The following PCDHGA4 variants were observed in gnomAD, a reference collection of about 807,000 sequenced individuals.
PCDHGA4 encodes the protein protocadherin gamma subfamily A, 4, also known as protocadherin gamma-A4.
A neutral mutation model predicts 54.6 loss-of-function variants in PCDHGA4; 38 were observed. The observed-to-expected ratio is 0.70, with a 90% CI of 0.54 to 0.91. The LOEUF (loss-of-function observed/expected upper bound fraction) is 0.91. Among genes scored for constraint, PCDHGA4 ranks in the 40% least tolerant of loss-of-function variants. The pLI, the probability that PCDHGA4 is intolerant of heterozygous loss-of-function variation, is 0.00. For missense variants in PCDHGA4, 1,298 were observed against 1,220.9 expected (o/e 1.06, Z -0.94); for synonymous variants, 511 against 512.9 (o/e 1.00, Z 0.05).
Position 141,485,609 on chromosome 5 carries a change from G to C in PCDHGA4, c.2515-9198G>C, listed in dbSNP as rs1432367043. On this transcript the variant is annotated intron_variant, in intron 1 of 3. Coordinates refer to ENST00000571252, the MANE Select transcript of PCDHGA4 (RefSeq NM_018917.4). The surrounding 1 kb of genome is among the most constrained non-coding windows in gnomAD (Gnocchi z 5.7). ...GCTGGACTTGGAAATTGGGGAGGCA[G>C]CTCCTCCAGGACAGCGTTTCCCGTT... The C allele has an allele frequency of 1.2e-6, 2 of 1,612,138 alleles. No homozygotes were observed. Among genetic ancestry groups the C allele is most frequent in the Non-Finnish European group, 1.7e-6 (2 of 1,178,664 alleles).
At chr5:141,370,007 A>G (rs1350230524) in intron 1 of PCDHGA4, among the ~76,000 whole-genome samples, 1 of 152,272 alleles carries the variant, frequency 6.6e-6, no homozygotes, top group South Asian at 2.1e-4. Flanking sequence ...AAATTAAAAG[A>G]AATAACAGAC....
At chr5:141,364,982 G>A (rs745559474) in intron 1 of PCDHGA4, 1 of 1,613,868 alleles carries the variant, frequency 6.2e-7, no homozygotes, top group South Asian at 1.1e-5. Flanking sequence ...TTTAGATGGC[G>A]GAGACCCGGT....
intron 1 of PCDHGA4, chr5:141,424,442 T>C (rs2096821583): frequency 6.6e-6 from 1 of 152,244 alleles, no homozygotes; most frequent in South Asian, 2.1e-4. Context: ...AATTGAATTA[T>C]TGAACTGGTA....
rs1337141924 is a variant in PCDHGA4, at chr5:141,512,916, CTAATATT to C, written c.*1746_*1752del. On this transcript the variant is annotated 3_prime_UTR_variant, in exon 4 of 4. Coordinates refer to ENST00000571252, the MANE Select transcript of PCDHGA4 (RefSeq NM_018917.4). The stretch of plus-strand genomic sequence containing the variant: ...CTGTGTCTCACGCAAGTTTTATACT[CTAATATT>C]TATATGGCTTTTTTTCTTCGACAAA... The C allele has an allele frequency of 1.3e-5, 2 of 152,206 alleles. No homozygotes were observed. Among genetic ancestry groups the C allele is most frequent in the Non-Finnish European group, 2.9e-5 (2 of 68,046 alleles). The allele number at this position is 152,206 out of a possible 1,614,324, so 9.4% of individuals were successfully genotyped here.
chr5:141,486,452 G>T lies in PCDHGA4; in HGVS notation c.2515-8355G>T. 6.2e-7 allele frequency: 1 copy of T among 1,614,152 alleles called. No homozygotes were observed. Among genetic ancestry groups the T allele is most frequent in the Non-Finnish European group, 8.5e-7 (1 of 1,179,996 alleles). Reference sequence around the variant, plus strand: ...ATCTAGCTATGACATCATGGTCACTGCTTCTGATGCTGGGAACCCTCCTCT... The same window carrying T: ...ATCTAGCTATGACATCATGGTCACTTCTTCTGATGCTGGGAACCCTCCTCT... On this transcript the variant is annotated intron_variant, in intron 1 of 3. Coordinates refer to ENST00000571252, the MANE Select transcript of PCDHGA4 (RefSeq NM_018917.4). This position sits in a 1 kb window ranked among gnomAD's most constrained non-coding sequence, Gnocchi z 5.0.
At chr5:141,473,733 G>A (rs943072050) in intron 1 of PCDHGA4, among the ~76,000 whole-genome samples, 19 of 152,214 alleles carry the variant, frequency 1.2e-4, no homozygotes, top group Admixed American at 3.9e-4. Flanking sequence ...GAGAGAGGGA[G>A]AAGACATGAG....
Position 141,355,466 on chromosome 5 carries a change from G to A in PCDHGA4, c.359G>A (p.Arg120Lys), listed in dbSNP as rs1561508995. 1 of 1,614,094 alleles carries A rather than the reference G, an allele frequency of 6.2e-7. No homozygotes were observed. The highest frequency in any genetic ancestry group is 8.5e-7 in the Non-Finnish European group (1 of 1,179,912). Residue 120 changes from arginine (R) to lysine (K), a missense_variant, in exon 1 of 4, where the codon AGG becomes AAG. Physicochemically the swap from Arg to Lys is conservative, Grantham distance 26. Transcript: ENST00000571252. ...AGCGGCACCTTGGTCACCGCGGGTA[G>A]GATAGACAGGGAGGAGCTCTGCGAC... is the stretch of plus-strand genomic sequence containing the variant. Reference protein sequence around the residue: ...PRSGTLVTAGRIDREELCDRS... With the variant: ...PRSGTLVTAGKIDREELCDRS...
chr5:141,427,205 C>T lies in PCDHGA4; in HGVS notation c.2515-67602C>T, dbSNP rs73280903. 3.4e-3 allele frequency: 1,562 copies of T among 456,606 alleles called. 21 individuals carry two copies. Among genetic ancestry groups the T allele is most frequent in the African/African-American group, 0.028 (1,422 of 50,136 alleles). 28.3% of individuals were successfully genotyped at this position (456,606 alleles called of 1,614,324 possible). Reference sequence around the variant, plus strand: ...TTAAATCCAAAGACTTAATAGACTTCGAATTTCGTAGCAGTTATACCATGA... The same window carrying T: ...TTAAATCCAAAGACTTAATAGACTTTGAATTTCGTAGCAGTTATACCATGA... On this transcript the variant is annotated intron_variant, in intron 1 of 3. Transcript: ENST00000571252.
chr5:141,465,343 T>A (rs1221229916), intron 1 of PCDHGA4, among the ~76,000 whole-genome samples: 1 of 152,118 alleles, frequency 6.6e-6, no homozygotes, highest in Non-Finnish European at 1.5e-5. Flanking sequence ...TATTGGTTAC[T>A]GAAGAAAAAA....
chr5:141,361,454 T>A (rs780424534), intron 1 of PCDHGA4: 2 of 1,614,026 alleles, frequency 1.2e-6, no homozygotes, highest in Non-Finnish European at 1.7e-6. Flanking sequence ...ATTGTCACCC[T>A]GCACATCTCC....
chr5:141,457,701 G>A (rs1341216514), intron 1 of PCDHGA4, among the ~76,000 whole-genome samples: 1 of 152,222 alleles, frequency 6.6e-6, no homozygotes, highest in Admixed American at 6.5e-5. Context: ...TGGCTTTGAT[G>A]AAACACTGTT....
intron 1 of PCDHGA4, chr5:141,374,279 A>G: frequency 6.2e-7 from 1 of 1,614,000 alleles, no homozygotes; most frequent in Non-Finnish European, 8.5e-7. Context: ...CGGAGTCCGC[A>G]TCGTCTCCAG....
intron 1 of PCDHGA4, among the ~76,000 whole-genome samples, chr5:141,483,945 ATTGTG>A (rs2099589210): frequency 8.3e-6 from 1 of 120,394 alleles, no homozygotes; most frequent in Non-Finnish European, 1.6e-5. Context: ...TACGGTGTGA[ATTGTG>A]TTGTGTTTCT....
chr5:141,366,249 A>G (rs1307246069), intron 1 of PCDHGA4: 1 of 1,613,634 alleles, frequency 6.2e-7, no homozygotes, highest in Non-Finnish European at 8.5e-7. Context: ...GCGCTCAAGC[A>G]GAGCCTCGTG....
At chr5:141,393,079 GGATA>G (rs1414303760) in intron 1 of PCDHGA4, 2 of 1,613,582 alleles carry the variant, frequency 1.2e-6, no homozygotes, top group Non-Finnish European at 1.7e-6. Context: ...ACCGCGGGCA[GGATA>G]GATCGGGAGG....
intron 1 of PCDHGA4, chr5:141,362,279 TGC>T (rs776950363): frequency 7.4e-6 from 12 of 1,614,070 alleles, no homozygotes; most frequent in Non-Finnish European, 9.3e-6. Flanking sequence ...TCCCTGCGCC[TGC>T]GACTCTCTTC....
intron 1 of PCDHGA4, chr5:141,374,783 G>A: frequency 6.2e-7 from 1 of 1,613,908 alleles, no homozygotes; most frequent in Non-Finnish European, 8.5e-7. Flanking sequence ...AACAGTTCTA[G>A]ATGTGAATGA....
At position 141,486,209 on chromosome 5, in the gene PCDHGA4, A is replaced by G. The variant is rs749965379; in HGVS notation, c.2515-8598A>G. 1.2e-6 allele frequency: 2 copies of G among 1,614,080 alleles called. No homozygotes were observed. The highest frequency in any genetic ancestry group is 1.7e-6 in the Non-Finnish European group (2 of 1,179,988). ...AGTGGATCTGCTGGACGTAAATGAC[A>G]ATGCCCCTTACATCACAGTGACCTC... On this transcript the variant is annotated intron_variant, in intron 1 of 3. Transcript: ENST00000571252. The surrounding 1 kb of genome is among the most constrained non-coding windows in gnomAD (Gnocchi z 5.0).
At chr5:141,388,764 T>A in intron 1 of PCDHGA4, 1 of 1,613,990 alleles carries the variant, frequency 6.2e-7, no homozygotes. Flanking sequence ...TGACCTGAAC[T>A]CTAACACCGG....
Sources: gnomAD v4.1 joint callset for allele counts (sites outside exome capture counted in the v4.1 genomes callset) on GRCh38, gnomAD v4.1.1 for gene constraint, Gnocchi (gnomAD v3.1) non-coding constraint, MANE v1.5 for transcripts, NCBI Gene and HGNC (gene_info 2026-07-23, HGNC 2026-07-21) for gene names.